Variants in COL4A1 observed in about 807,000 individuals in gnomAD.
COL4A1 encodes collagen type IV alpha 1 chain, also known as collagen alpha-1(IV) chain.
A neutral mutation model predicts 216.6 loss-of-function variants in COL4A1; 40 were observed. The ratio of observed to expected loss-of-function variants is 0.18; its 90% CI spans 0.14 to 0.24. The LOEUF is 0.24. COL4A1 is among the 10% of genes least tolerant of loss of function. The pLI is 1.00. For synonymous variants in COL4A1, 839 were observed against 810.7 expected, an observed-to-expected ratio of 1.03 and a Z score of -0.59; for missense variants, 1,628 against 2,196.8, an observed-to-expected ratio of 0.74 and a Z score of 5.18.
In COL4A1 at chr13:110,196,369, G is replaced by A. The variant is rs186875023; in HGVS notation, c.1286-1251C>T. Among the ~76,000 whole-genome samples the A allele has an allele frequency of 1.9e-3, 289 of 152,252 alleles. 4 individuals are homozygous for A. The highest frequency in any genetic ancestry group is 6.6e-3 in the African/African-American group (275 of 41,552). The stretch of plus-strand genomic sequence containing the variant: ...TGGCACCATCGTCTTAAACAAAGTG[G>A]ACTCCATGTTTATGCTTCAAAGAGC... On this transcript the variant is annotated intron_variant, in intron 21 of 51. Coordinates refer to ENST00000375820, the MANE Select transcript of COL4A1 (RefSeq NM_001845.6).
chr13:110,162,321 G>A lies in COL4A1; in HGVS notation c.4371C>T (p.Asp1457=). ...LVTRHSQTID[D]PQCPSGTKIL... The stretch of plus-strand genomic sequence containing the variant: ...TTTTGGTCCCAGAAGGACACTGTGG[G>A]TCATCTATTGTTTGACTATGCCTGG... The change falls in exon 48 of 52, where the codon GAC becomes GAT. Residue 1457 remains aspartate, a synonymous_variant. Transcript: ENST00000375820. 1 of 1,614,190 alleles carries A rather than the reference G, an allele frequency of 6.2e-7. No individual in the cohort carries two copies. Among genetic ancestry groups the A allele is most frequent in the South Asian group, 1.1e-5 (1 of 91,086 alleles).
chr13:110,281,126 T>C (rs1009191462), intron 1 of COL4A1, among the ~76,000 whole-genome samples: 2 of 152,152 alleles, frequency 1.3e-5, no homozygotes, highest in Non-Finnish European at 2.9e-5. Flanking sequence ...TTTGACACCA[T>C]CAACTGGCTT....
intron 2 of COL4A1, among the ~76,000 whole-genome samples, chr13:110,214,812 T>A (rs1879990966): frequency 6.6e-6 from 1 of 152,194 alleles, no homozygotes. Context: ...TCTATAATCC[T>A]ATGAGCCACT....
chr13:110,182,332 G>A (rs991830334), intron 28 of COL4A1, among the ~76,000 whole-genome samples: 1 of 152,150 alleles, frequency 6.6e-6, no homozygotes, highest in Admixed American at 6.5e-5. Context: ...CTGGGAGCCT[G>A]GAGGAGATTT....
chr13:110,213,415 A>G (rs756485048), intron 4 of COL4A1, among the ~76,000 whole-genome samples: 1 of 152,234 alleles, frequency 6.6e-6, no homozygotes, highest in African/African-American at 2.4e-5. Flanking sequence ...TGAAAATACC[A>G]TGACTTTTCC....
chr13:110,217,335 C>T (rs1880135750), intron 2 of COL4A1, among the ~76,000 whole-genome samples: 1 of 152,178 alleles, frequency 6.6e-6, no homozygotes, highest in South Asian at 2.1e-4. Flanking sequence ...GGGTCCAAGC[C>T]AGACTTTGCA....
Position 110,186,532 on chromosome 13 carries a change from C to T in COL4A1, c.1750G>A (p.Glu584Lys). 1.2e-6 allele frequency: 2 copies of T among 1,614,028 alleles called. No homozygotes were observed. Among genetic ancestry groups the T allele is most frequent in the Non-Finnish European group, 1.7e-6 (2 of 1,180,000 alleles). ...CCAACTCCTCCAGGGGGGCCACGCT[C>T]TCCTTTCAATCCTACAGAACCCTGA... ...GSPGSVGLKG[E>K]RGPPGGVGFP... Residue 584 changes from glutamate (E) to lysine (K), a missense_variant, in exon 26 of 52, where the codon GAG becomes AAG. Transcript: ENST00000375820.
At chr13:110,219,862 ATGTG>A (rs1167152757) in intron 2 of COL4A1, among the ~76,000 whole-genome samples, 16,718 of 98,032 alleles carry the variant, frequency 0.17, 1,377 homozygotes, top group Middle Eastern at 0.26. Context: ...ATATGTATAT[ATGTG>A]TGTGTATATA....
chr13:110,228,479 C>G (rs1880854222), intron 2 of COL4A1, among the ~76,000 whole-genome samples: 1 of 152,200 alleles, frequency 6.6e-6, no homozygotes, highest in African/African-American at 2.4e-5. Flanking sequence ...GCAGGGAGAA[C>G]AGGGAAGCCT....
At chr13:110,291,708 G>A (rs1884097036) in intron 1 of COL4A1, among the ~76,000 whole-genome samples, 2 of 152,156 alleles carry the variant, frequency 1.3e-5, no homozygotes, top group Admixed American at 1.3e-4. Context: ...GACCAGACCC[G>A]GCTTCTTTAG....
intron 49 of COL4A1, among the ~76,000 whole-genome samples, chr13:110,158,967 T>A (rs1239668213): frequency 6.6e-6 from 1 of 152,212 alleles, no homozygotes; most frequent in Non-Finnish European, 1.5e-5. Flanking sequence ...GGTCTCGAAC[T>A]CCTGACCTCA....
intron 1 of COL4A1, among the ~76,000 whole-genome samples, chr13:110,274,400 A>G (rs1883359337): frequency 6.6e-6 from 1 of 152,230 alleles, no homozygotes; most frequent in South Asian, 2.1e-4. Context: ...TATAATTCAA[A>G]GAGAAACAGG....
At chr13:110,188,118 T>C (rs1343381270) in intron 24 of COL4A1, among the ~76,000 whole-genome samples, 1 of 152,210 alleles carries the variant, frequency 6.6e-6, no homozygotes, top group Non-Finnish European at 1.5e-5. Flanking sequence ...ATCCTGAGAC[T>C]TGGGTTTCAC....
chr13:110,157,516 G>A (rs9521624), intron 49 of COL4A1, among the ~76,000 whole-genome samples: 30,792 of 152,172 alleles, frequency 0.2, 3,300 homozygotes, highest in East Asian at 0.44. Context: ...CAGAGACAGG[G>A]ACAAAGGGGC....
intron 2 of COL4A1, among the ~76,000 whole-genome samples, chr13:110,235,520 G>A (rs1235295140): frequency 9.9e-5 from 15 of 151,880 alleles, no homozygotes; most frequent in African/African-American, 2.2e-4. Flanking sequence ...GCATGGTGGC[G>A]GGTGCCTGTA....
chr13:110,177,017 A>G lies in COL4A1; in HGVS notation c.2737T>C (p.Ser913Pro), dbSNP rs1877919961. 6.2e-7 allele frequency: 1 copy of G among 1,614,022 alleles called. No homozygotes were observed. ...CCAGGGTCTCCCCTGGGTCCTGAGG[A>G]GCCCGGAAAGCCATGGTCCCCTGCA... Reference protein sequence around the residue: ...GEKGDHGFPGSSGPRGDPGLK... With the variant: ...GEKGDHGFPGPSGPRGDPGLK... The change falls in exon 34 of 52, where the codon TCC becomes CCC. Residue 913 changes from serine (S) to proline (P), a missense_variant. Physicochemically the swap from Ser to Pro is moderately conservative, Grantham distance 74 (BLOSUM62 -1). Around this residue, in one of 8 missense-constraint regions of COL4A1, gnomAD observed 701 missense variants for 892.5 expected, o/e 0.79. Transcript: ENST00000375820.
intron 31 of COL4A1, among the ~76,000 whole-genome samples, chr13:110,178,523 A>G (rs1453770313): frequency 5.3e-5 from 8 of 152,248 alleles, no homozygotes; most frequent in Admixed American, 5.2e-4. Context: ...GTTTTGCTCT[A>G]ATTTCCATGC....
chr13:110,229,472 G>C (rs1317226183), intron 2 of COL4A1, among the ~76,000 whole-genome samples: 1 of 152,186 alleles, frequency 6.6e-6, no homozygotes, highest in African/African-American at 2.4e-5. Flanking sequence ...CAGCTGGGAT[G>C]CATTTTGTCG....
chr13:110,174,736 A>G lies in COL4A1; in HGVS notation c.3212T>C (p.Ile1071Thr), dbSNP rs946610277. ...TCCAGGGCTTCCTGGGAAACCCGCT[A>G]TCCCTTGATCTCCCTGCAAGTAAAA... ...GLRGEKGDQG[I>T]AGFPGSPGEK... Residue 1071 changes from isoleucine to threonine, a missense_variant, in exon 38 of 52, where the codon ATA (isoleucine) becomes ACA (threonine). Transcript: ENST00000375820. The G allele has an allele frequency of 5.0e-6, 8 of 1,613,482 alleles. No homozygotes were observed. Among genetic ancestry groups the G allele is most frequent in the Non-Finnish European group, 6.8e-6 (8 of 1,179,550 alleles).
Sources: allele counts gnomAD v4.1 joint callset (sites outside exome capture counted in the v4.1 genomes callset), GRCh38; gene constraint gnomAD v4.1.1; regional missense constraint gnomAD v4.1.1; transcripts MANE v1.5; gene names NCBI Gene and HGNC (gene_info 2026-07-23, HGNC 2026-07-21).